ZNF654: variants seen among roughly 807,000 people sequenced by gnomAD.
ZNF654 encodes the protein melanoma-associated antigen.
A neutral mutation model predicts 95.3 loss-of-function variants in ZNF654; 19 were observed. The observed-to-expected ratio is 0.20, with a 90% confidence interval of 0.14 to 0.29. ZNF654 has a LOEUF of 0.29. ZNF654 is among the 10% of genes least tolerant of loss of function. The pLI is 1.00. For missense variants in ZNF654, 1,046 were observed against 1,341.0 expected (o/e 0.78, Z 3.44); for synonymous variants, 413 against 457.9 (o/e 0.90, Z 1.25).
chr3:88,122,600 G>C (rs1490852127), intron 3 of ZNF654, among the ~76,000 whole-genome samples: 1 of 151,942 alleles, frequency 6.6e-6, no homozygotes, highest in East Asian at 1.9e-4. Flanking sequence ...GTAATTAAGG[G>C]GATTATATTT....
At chr3:88,109,494 A>G (rs1704960000) in intron 2 of ZNF654, among the ~76,000 whole-genome samples, 1 of 152,108 alleles carries the variant, frequency 6.6e-6, no homozygotes, top group African/African-American at 2.4e-5. Context: ...TTTTATTTGG[A>G]CAATTAAGTA....
chr3:88,141,992 A>C lies in ZNF654; in HGVS notation c.*340A>C, dbSNP rs1424698394. 1 of 207,240 alleles carries C rather than the reference A, an allele frequency of 4.8e-6. No individual in the cohort carries two copies. The highest frequency in any genetic ancestry group is 9.3e-6 in the Non-Finnish European group (1 of 107,604). 12.8% of individuals were successfully genotyped at this position (207,240 alleles called of 1,614,324 possible). On this transcript the variant is annotated 3_prime_UTR_variant, in exon 9 of 9. Coordinates refer to ENST00000636215, the MANE Select transcript of ZNF654 (RefSeq NM_001350134.2). ...CAGCTATGGCCTTACAGAAAGGGAA[A>C]AATTAACCCATTATTAAAAAGTGTG...
rs1343844424 is a variant in ZNF654, at chr3:88,139,386, G to T, written c.1717G>T (p.Ala573Ser). The change falls in exon 8 of 9, where the codon GCA becomes TCA. Residue 573 changes from alanine (A) to serine (S), a missense_variant. Physicochemically the swap from Ala to Ser is moderately conservative, Grantham distance 99 (BLOSUM62 1). This residue lies in a region of ZNF654 where 7 missense variants were observed against 26.7 expected (regional missense o/e 0.26). Transcript: ENST00000636215. Reference sequence around the variant, plus strand: ...GGCTCATCAGAAAAAAGGCAGTTTTGCATGTGTAATATGTGGTAGGAAATT... The same window carrying T: ...GGCTCATCAGAAAAAAGGCAGTTTTTCATGTGTAATATGTGGTAGGAAATT... The part of the protein sequence containing the change: ...AQAHQKKGSF[A>S]CVICGRKFRN... 1 of 1,613,548 alleles carries T rather than the reference G, an allele frequency of 6.2e-7. No homozygotes were observed. Among genetic ancestry groups the T allele is most frequent in the Non-Finnish European group, 8.5e-7 (1 of 1,179,770 alleles).
chr3:88,122,699 TA>T (rs1245616345), intron 3 of ZNF654, among the ~76,000 whole-genome samples: 3 of 152,106 alleles, frequency 2.0e-5, no homozygotes, highest in Non-Finnish European at 4.4e-5. Context: ...ATTATTTAAG[TA>T]AATATTCTAG....
intron 1 of ZNF654, among the ~76,000 whole-genome samples, chr3:88,066,112 C>T (rs1377981938): frequency 6.6e-6 from 1 of 152,144 alleles, no homozygotes; most frequent in Non-Finnish European, 1.5e-5. Context: ...TTCCCCAAAG[C>T]ATGTGAGATG....
rs1707085054 is a variant in ZNF654 at position 88,140,884 on chromosome 3, A to G, written c.3215A>G (p.Asp1072Gly). 6.2e-7 allele frequency: 1 copy of G among 1,613,516 alleles called. No individual in the cohort carries two copies. The highest frequency in any genetic ancestry group is 1.3e-5 in the African/African-American group (1 of 74,890). ...SMPKRRKFLT[D>G]RVDACSDQDN... ...CCAAAACGCAGAAAATTTCTGACTG[A>G]TAGAGTAGATGCCTGTTCTGATCAA... Residue 1072 changes from aspartate to glycine, a missense_variant, in exon 8 of 9, where the codon GAT (aspartate) becomes GGT (glycine). Asp to Gly is a moderately conservative substitution (Grantham distance 94). This residue lies in a region of ZNF654 where 59 missense variants were observed against 73.0 expected (regional missense o/e 0.81). Coordinates refer to ENST00000636215, the MANE Select transcript of ZNF654 (RefSeq NM_001350134.2).
rs1559681291 is a variant in ZNF654 at position 88,059,477 on chromosome 3, G to C, written c.158G>C (p.Ser53Thr). Residue 53 changes from serine (S) to threonine (T), a missense_variant, in exon 1 of 9, where the codon AGT becomes ACT. Transcript: ENST00000636215. ...GNCGGGVGIS[S>T]RDYCRRFCQV... ...TGCGGCGGCGGCGTCGGAATCAGCA[G>C]TCGGGATTACTGCCGACGCTTCTGT... is the stretch of plus-strand genomic sequence containing the variant. 2 of 1,515,682 alleles carry C rather than the reference G, an allele frequency of 1.3e-6. No homozygotes were observed. Among genetic ancestry groups the C allele is most frequent in the East Asian group, 2.5e-5 (1 of 40,660 alleles). The allele number at this position is 1,515,682 out of a possible 1,614,324, so 93.9% of individuals were successfully genotyped here. A position where few individuals can be genotyped will look rare whatever the true frequency, so the allele number is the denominator to read the frequency against.
At chr3:88,084,976 C>T (rs1259166977) in intron 1 of ZNF654, among the ~76,000 whole-genome samples, 1 of 152,194 alleles carries the variant, frequency 6.6e-6, no homozygotes, top group Non-Finnish European at 1.5e-5. Context: ...CTTCATTATA[C>T]TGGCTATAAA....
intron 3 of ZNF654, among the ~76,000 whole-genome samples, chr3:88,116,877 T>C (rs1705441854): frequency 6.6e-6 from 1 of 152,182 alleles, no homozygotes; most frequent in African/African-American, 2.4e-5. Context: ...GACAGAGACT[T>C]ATTCACCTGC....
At chr3:88,093,124 A>C (rs1703849408) in intron 2 of ZNF654, among the ~76,000 whole-genome samples, 1 of 152,216 alleles carries the variant, frequency 6.6e-6, no homozygotes, top group South Asian at 2.1e-4. Flanking sequence ...CATTCTTTGT[A>C]GATAAGAAAA....
rs546151883 is a variant in ZNF654 at position 88,071,440 on chromosome 3, C to T, written c.186+11935C>T. Reference sequence around the variant, plus strand: ...CGGGCGGATCACAAAGTTAGGAGATCGAGACCGTCCTGGCTAACACGGTGA... The same window carrying T: ...CGGGCGGATCACAAAGTTAGGAGATTGAGACCGTCCTGGCTAACACGGTGA... On this transcript the variant is annotated intron_variant, in intron 1 of 8. Coordinates refer to ENST00000636215, the MANE Select transcript of ZNF654 (RefSeq NM_001350134.2). 4.6e-5 allele frequency among the ~76,000 whole-genome samples: 7 copies of T among 152,204 alleles called. No individual in the cohort carries two copies. The South Asian group carries it at 6.2e-4, about 14-fold the overall frequency.
chr3:88,093,740 T>C (rs967240795), intron 2 of ZNF654, among the ~76,000 whole-genome samples: 2 of 152,240 alleles, frequency 1.3e-5, no homozygotes, highest in African/African-American at 4.8e-5. Context: ...CAGTCTCTAC[T>C]CTATAATCAA....
At chr3:88,111,023 GTT>G (rs1441483909) in intron 2 of ZNF654, among the ~76,000 whole-genome samples, 6 of 152,082 alleles carry the variant, frequency 3.9e-5, no homozygotes, top group Admixed American at 6.6e-5. Flanking sequence ...CCAAACAGCA[GTT>G]TGTAAAGTTG....
intron 2 of ZNF654, among the ~76,000 whole-genome samples, chr3:88,090,316 C>T (rs550223538): frequency 6.6e-6 from 1 of 152,108 alleles, no homozygotes; most frequent in East Asian, 1.9e-4. Flanking sequence ...ATATTGATGA[C>T]CCTGATTCTA....
At chr3:88,117,046 T>G (rs185891588) in intron 3 of ZNF654, among the ~76,000 whole-genome samples, 36 of 152,218 alleles carry the variant, frequency 2.4e-4, no homozygotes, top group Non-Finnish European at 4.4e-4. Flanking sequence ...TTATAATATC[T>G]TCCATGAATA....
intron 2 of ZNF654, among the ~76,000 whole-genome samples, chr3:88,094,494 A>G (rs1042810653): frequency 6.6e-6 from 1 of 152,130 alleles, no homozygotes; most frequent in African/African-American, 2.4e-5. Context: ...TAGTATTTAT[A>G]TCAGAATCTA....
intron 2 of ZNF654, among the ~76,000 whole-genome samples, chr3:88,108,507 T>A (rs938392970): frequency 6.6e-6 from 1 of 152,188 alleles, no homozygotes; most frequent in African/African-American, 2.4e-5. Context: ...AAATGTTAAA[T>A]AGAATATTCC....
At chr3:88,072,511 C>G (rs1206820435) in intron 1 of ZNF654, among the ~76,000 whole-genome samples, 2 of 152,128 alleles carry the variant, frequency 1.3e-5, no homozygotes, top group Non-Finnish European at 2.9e-5. Flanking sequence ...TTGTACATAT[C>G]TGCTTCTTGG....
At chr3:88,097,068 C>T (rs549416769) in intron 2 of ZNF654, among the ~76,000 whole-genome samples, 3 of 152,164 alleles carry the variant, frequency 2.0e-5, no homozygotes, top group African/African-American at 7.2e-5. Flanking sequence ...TTAACCAGCC[C>T]CTTACTAATG....
Sources: gnomAD v4.1 joint callset for allele counts (sites outside exome capture counted in the v4.1 genomes callset) on GRCh38, gnomAD v4.1.1 for gene constraint, gnomAD v4.1.1 regional missense constraint, MANE v1.5 for transcripts, NCBI Gene and HGNC (gene_info 2026-07-23, HGNC 2026-07-21) for gene names.